RGS11: variants seen among roughly 807,000 people sequenced by gnomAD.
RGS11 encodes regulator of G-protein signaling 11.
Under a neutral mutation model 71.1 loss-of-function variants are expected in RGS11, and 86 were observed. The observed-to-expected ratio is 1.21, with a 90% CI of 1.02 to 1.45. The LOEUF (loss-of-function observed/expected upper bound fraction) is 1.45. Among genes scored for constraint, RGS11 ranks in the 40% most tolerant of loss-of-function variants. The pLI is 0.00. For synonymous variants in RGS11, 298 were observed against 254.2 expected (o/e 1.17, Z -1.64); for missense variants, 734 against 635.1 (o/e 1.16, Z -1.67).
At chr16:273,655 G>A in intron 7 of RGS11, 99 bp from the exon 8 acceptor site, 1 of 1,496,416 alleles carries the variant, frequency 6.7e-7, no homozygotes, top group Non-Finnish European at 9.2e-7. Context: ...ACACCCAGGG[G>A]TGCCCTCCAC....
At chr16:273,329 G>A (rs1596905745) in intron 8 of RGS11, 146 bp downstream of exon 8, 4 of 639,528 alleles carry the variant, frequency 6.3e-6, no homozygotes, top group Non-Finnish European at 8.0e-6. Flanking sequence ...ACTAAGTCAC[G>A]AAGTGAAAAC....
At chr16:273,103 C>T (rs116973511) in intron 8 of RGS11, among the ~76,000 whole-genome samples, 172 bp from the exon 9 acceptor site, 4,263 of 152,192 alleles carry the variant, frequency 0.028, 117 homozygotes, top group South Asian at 0.13. Flanking sequence ...TCCAAATGGC[C>T]TGTCCACCGG....
At chr16:271,646 C>T in intron 9 of RGS11, 77 bp from the exon 10 acceptor site, 2 of 1,419,594 alleles carry the variant, frequency 1.4e-6, no homozygotes, top group South Asian at 2.3e-5. Flanking sequence ...GAGGGCACCT[C>T]CCCAGGCTGA....
chr16:269,383 G>T lies in RGS11; in HGVS notation c.1290C>A (p.Arg430=), dbSNP rs774058245. Residue 430 remains arginine (R), a splice_region_variant and synonymous_variant, in exon 17 of 17, where the codon CGC becomes CGA. Coordinates refer to ENST00000397770, the MANE Select transcript of RGS11 (RefSeq NM_183337.3). The stretch of plus-strand genomic sequence containing the variant: ...GTGGCCTCCACGTAAACGGGAACAC[G>T]CTGTGGGCGAGAAGGCGGCTGAGAA... ...EAGIPLEMKR[R]VFPFTWRPRH... 1.9e-6 allele frequency: 3 copies of T among 1,599,318 alleles called. No homozygotes were observed. Among genetic ancestry groups the T allele is most frequent in the Admixed American group, 3.4e-5 (2 of 58,010 alleles).
intron 15 of RGS11, 38 bp from the exon 16 acceptor site, chr16:269,623 T>A (rs942440311): frequency 5.4e-6 from 8 of 1,477,954 alleles, no homozygotes; most frequent in Non-Finnish European, 7.6e-6. Flanking sequence ...CCCTTCTGCC[T>A]CCTCACCTCT....
At chr16:275,805 C>T in intron 1 of RGS11, 44 bp downstream of exon 1, 1 of 838,406 alleles carries the variant, frequency 1.2e-6, no homozygotes, top group South Asian at 4.2e-5. Context: ...CGGCCTCGGG[C>T]GCCGGGAAAT....
At position 270,204 on chromosome 16, in the gene RGS11, C is replaced by A. The variant is rs7499105; in HGVS notation, c.1206+319G>T. On this transcript the variant is annotated intron_variant, in intron 15 of 16. Transcript: ENST00000397770. Reference sequence around the variant, plus strand: ...GTGGAGCTTGCACTGAGCCGAGATCCCGCCACTGCACTCCAGCCTGGGCGA... The same window carrying A: ...GTGGAGCTTGCACTGAGCCGAGATCACGCCACTGCACTCCAGCCTGGGCGA... 1.1e-4 allele frequency among the ~76,000 whole-genome samples: 16 copies of A among 151,718 alleles called. No homozygotes were observed. In the South Asian group the frequency reaches 2.5e-3, roughly 24 times the overall value.
rs964432832 is a variant in RGS11 at position 272,901 on chromosome 16, G to A, written c.619C>T (p.Pro207Ser). 1 of 1,529,942 alleles carries A rather than the reference G, an allele frequency of 6.5e-7. No individual in the cohort carries two copies. The highest frequency in any genetic ancestry group is 8.8e-7 in the Non-Finnish European group (1 of 1,135,432). 94.8% of individuals were successfully genotyped at this position (1,529,942 alleles called of 1,614,324 possible). The change falls in exon 9 of 17, where the codon CCA (proline) becomes TCA (serine). Residue 207 changes from proline (P) to serine (S), a missense_variant. Coordinates refer to ENST00000397770, the MANE Select transcript of RGS11 (RefSeq NM_183337.3). The stretch of plus-strand genomic sequence containing the variant: ...CTGGCAGCGCAGGATCCCCGCCCTG[G>A]ACCCTGCTCCAGCACATCGGGGGCC... ...PGAPDVLEQG[P>S]GRGSCAASRV...
chr16:269,499 T>C lies in RGS11; in HGVS notation c.1289+4A>G, dbSNP rs765134552. The C allele has an allele frequency of 3.7e-6, 6 of 1,612,758 alleles. No individual in the cohort carries two copies. In the African/African-American group the frequency reaches 8.0e-5, roughly 22 times the overall value. On this transcript the variant is annotated splice_donor_region_variant and intron_variant, in intron 16 of 16. Coordinates refer to ENST00000397770, the MANE Select transcript of RGS11 (RefSeq NM_183337.3). ...GCCGGCCACAGGGCACTGCCTGGGC[T>C]CACCGTCTCTTCATCTCCAGCGGGA...
In RGS11 at chr16:275,166, C is replaced by T. The variant is rs2052113443; in HGVS notation, c.212-84G>A. On this transcript the variant is annotated intron_variant, in intron 3 of 16. Coordinates refer to ENST00000397770, the MANE Select transcript of RGS11 (RefSeq NM_183337.3). The stretch of plus-strand genomic sequence containing the variant: ...CCGGGCCTCCTCTCCCCTATGTGCT[C>T]CCCACCCTTGCACAGCGCGCTCAGC... 1.9e-6 allele frequency: 3 copies of T among 1,572,424 alleles called. No individual in the cohort carries two copies. In the South Asian group the frequency reaches 3.5e-5, roughly 18 times the overall value.
rs2052046010 is a variant in RGS11, at chr16:273,846, G to T, written c.430-10C>A. The T allele has an allele frequency of 1.2e-6, 2 of 1,613,020 alleles. No individual in the cohort carries two copies. Among genetic ancestry groups the T allele is most frequent in the African/African-American group, 1.3e-5 (1 of 74,952 alleles). ...GCCGGTCATAGCAGTCCTGGGGGCA[G>T]CGAGGTTTCCAGTGGGTCACCCCGG... On this transcript the variant is annotated splice_polypyrimidine_tract_variant and intron_variant, in intron 6 of 16. Coordinates refer to ENST00000397770, the MANE Select transcript of RGS11 (RefSeq NM_183337.3).
chr16:273,684 G>A (rs920075575), intron 7 of RGS11, 76 bp downstream of exon 7: 3 of 1,548,344 alleles, frequency 1.9e-6, no homozygotes, highest in Admixed American at 1.7e-5. Context: ...GGCCACCGGA[G>A]CCTGGCCTGG....
Position 268,825 on chromosome 16 carries a change from G to C in RGS11, c.*444C>G. ...GGCTCTTGGACGGGGCAGAGCTCGC[G>C]CCGAGACCTGCATGTCCGCGTCTTG... On this transcript the variant is annotated 3_prime_UTR_variant, in exon 17 of 17. Transcript: ENST00000397770. 1 of 1,550,314 alleles carries C rather than the reference G, an allele frequency of 6.5e-7. No homozygotes were observed. The highest frequency in any genetic ancestry group is 8.7e-7 in the Non-Finnish European group (1 of 1,146,922).
Position 271,537 on chromosome 16 carries a change from T to TA in RGS11, c.687+2dup. On this transcript the variant is annotated splice_region_variant and intron_variant, in intron 10 of 16. Transcript: ENST00000397770. ...ACCCTCCACTCCCAGCTCCAGAACT[T>TA]ACCTCCCGCTTATGGAAATCTGCAC... The TA allele has an allele frequency of 6.2e-7, 1 of 1,613,976 alleles. No homozygotes were observed. The highest frequency in any genetic ancestry group is 1.3e-5 in the African/African-American group (1 of 75,042).
rs1322525470 is a variant in RGS11, at chr16:275,674, GGGAGACCCC to G, written c.63+166_63+174del. 10 of 448,088 alleles carry G rather than the reference GGGAGACCCC, an allele frequency of 2.2e-5. No homozygotes were observed. The African/African-American group carries it at 4.3e-4, about 19-fold the overall frequency. The allele number at this position is 448,088 out of a possible 1,614,324, so 27.8% of individuals were successfully genotyped here. A position where few individuals can be genotyped will look rare whatever the true frequency, so the allele number is the denominator to read the frequency against. ...GGCCGGGGAGGGCCGGGGAGGGCCGGGGAGACCCCGGAGACCCCCAAGGGCCCCAGGCCT... is the reference window on the plus strand; with the variant it reads ...GGCCGGGGAGGGCCGGGGAGGGCCGGGGAGACCCCCAAGGGCCCCAGGCCT... On this transcript the variant is annotated intron_variant, in intron 1 of 16. Coordinates refer to ENST00000397770, the MANE Select transcript of RGS11 (RefSeq NM_183337.3).
intron 7 of RGS11, 67 bp from the exon 8 acceptor site, chr16:273,623 G>T (rs2052033052): frequency 3.3e-6 from 5 of 1,501,190 alleles, no homozygotes; most frequent in Non-Finnish European, 4.5e-6. Flanking sequence ...CCACCCTCAG[G>T]CCTGGACCTG....
chr16:275,820 G>C, intron 1 of RGS11, 29 bp downstream of exon 1: 4 of 1,019,998 alleles, frequency 3.9e-6, no homozygotes, highest in Non-Finnish European at 4.9e-6. Context: ...GGAAATCGGG[G>C]GACGGCGGGA....
At chr16:271,607 C>A in intron 9 of RGS11, 38 bp from the exon 10 acceptor site, 1 of 1,606,338 alleles carries the variant, frequency 6.2e-7, no homozygotes, top group East Asian at 2.2e-5. Flanking sequence ...AGATGCAGGT[C>A]CCCTGCTGGG....
chr16:270,622 G>C lies in RGS11; in HGVS notation c.1107C>G (p.Ile369Met). Residue 369 changes from isoleucine to methionine, a missense_variant, in exon 15 of 17, where the codon ATC (isoleucine) becomes ATG (methionine). Transcript: ENST00000397770. Reference protein sequence around the residue: ...LAPGAAHWVNIDSRTMEQTLE... With the variant: ...LAPGAAHWVNMDSRTMEQTLE... ...GGGTCTGCTCCATGGTCCGGCTGTCGATGTTGACCCAGTGGGCAGCTCCGG... is the reference window on the plus strand; with the variant it reads ...GGGTCTGCTCCATGGTCCGGCTGTCCATGTTGACCCAGTGGGCAGCTCCGG... 1 of 1,608,610 alleles carries C rather than the reference G, an allele frequency of 6.2e-7. No individual in the cohort carries two copies. The highest frequency in any genetic ancestry group is 1.1e-5 in the South Asian group (1 of 90,198).
Sources: gnomAD v4.1 joint callset for allele counts (sites outside exome capture counted in the v4.1 genomes callset) on GRCh38, gnomAD v4.1.1 for gene constraint, MANE v1.5 for transcripts, NCBI Gene and HGNC (gene_info 2026-07-23, HGNC 2026-07-21) for gene names.